Variants in TANGO6 observed in about 807,000 individuals in gnomAD.
The protein encoded by TANGO6 is transport and golgi organization 6 homolog.
TANGO6 carries 90 observed loss-of-function variants against 114.2 expected under a neutral mutation model. That is an observed-to-expected ratio of 0.79 (90% CI 0.66 to 0.94). The LOEUF is 0.94. TANGO6 is among the 40% of genes least tolerant of loss of function. TANGO6 has a pLI of 0.00. For synonymous variants in TANGO6, 477 were observed against 509.8 expected, an observed-to-expected ratio of 0.94 and a Z score of 0.87; for missense variants, 1,274 against 1,315.3, an observed-to-expected ratio of 0.97 and a Z score of 0.49.
intron 15 of TANGO6, among the ~76,000 whole-genome samples, chr16:69,020,043 T>A (rs1959373006): frequency 6.6e-6 from 1 of 152,224 alleles, no homozygotes; most frequent in African/African-American, 2.4e-5. Context: ...GGTGATTTTG[T>A]CATTGTACAA....
chr16:68,914,318 T>C (rs8056003), intron 11 of TANGO6, among the ~76,000 whole-genome samples: 95,642 of 151,958 alleles, frequency 0.63, 31,996 homozygotes, highest in African/African-American at 0.88. Flanking sequence ...CCTGCAACCA[T>C]GCCCGGCTAA....
chr16:68,888,801 A>G (rs750902383), intron 7 of TANGO6, among the ~76,000 whole-genome samples: 8 of 152,144 alleles, frequency 5.3e-5, no homozygotes, highest in Non-Finnish European at 7.3e-5. Flanking sequence ...TCACTTTTTA[A>G]ATAGACTTTA....
At chr16:68,936,912 T>C (rs1311301216) in intron 14 of TANGO6, among the ~76,000 whole-genome samples, 1 of 151,974 alleles carries the variant, frequency 6.6e-6, no homozygotes, top group African/African-American at 2.4e-5. Flanking sequence ...CCCAAACAAA[T>C]CACACAAGCT....
chr16:69,067,425 G>T (rs1386219328), intron 17 of TANGO6, among the ~76,000 whole-genome samples: 1 of 150,538 alleles, frequency 6.6e-6, no homozygotes, highest in African/African-American at 2.5e-5. Flanking sequence ...CAGGAGAATC[G>T]CTTGAACCTG....
chr16:69,074,137 T>G (rs568085069), intron 17 of TANGO6, among the ~76,000 whole-genome samples: 1 of 152,248 alleles, frequency 6.6e-6, no homozygotes, highest in East Asian at 1.9e-4. Context: ...GTGGTGACAC[T>G]GGGCTAGGAG....
intron 14 of TANGO6, among the ~76,000 whole-genome samples, chr16:68,965,107 T>C (rs984445575): frequency 1.3e-5 from 2 of 152,240 alleles, no homozygotes; most frequent in Non-Finnish European, 2.9e-5. Context: ...ACCATTTTCT[T>C]ATGAATGCAA....
chr16:69,022,786 A>G, intron 15 of TANGO6, 42 bp from the exon 16 acceptor site: 1 of 1,537,732 alleles, frequency 6.5e-7, no homozygotes, highest in Non-Finnish European at 8.8e-7. Context: ...AGAAGTTGAA[A>G]TTTTGTTTTA....
chr16:68,990,461 T>A (rs1963937310), intron 15 of TANGO6, among the ~76,000 whole-genome samples: 1 of 152,178 alleles, frequency 6.6e-6, no homozygotes, highest in Non-Finnish European at 1.5e-5. Flanking sequence ...ACCGCCCCCA[T>A]GATTCAGTTA....
intron 7 of TANGO6, among the ~76,000 whole-genome samples, chr16:68,888,587 A>C (rs140043444): frequency 6.6e-6 from 1 of 152,224 alleles, no homozygotes; most frequent in East Asian, 1.9e-4. Flanking sequence ...TTTCCATTTT[A>C]TCTCTCTGTT....
At position 68,899,631 on chromosome 16, in the gene TANGO6, A is replaced by T. The variant is rs576082176; in HGVS notation, c.1378-803A>T. On this transcript the variant is annotated intron_variant, in intron 7 of 17. Transcript: ENST00000261778. ...TTCTTTTTTTTTGAGACAGGGTCTT[A>T]CTCTGTCACCCAGGCTGGAGGGCAG... 4.0e-5 allele frequency among the ~76,000 whole-genome samples: 6 copies of T among 151,196 alleles called. No individual in the cohort carries two copies. The South Asian group carries it at 6.3e-4, about 16-fold the overall frequency.
intron 1 of TANGO6, among the ~76,000 whole-genome samples, chr16:68,851,635 A>C (rs1052452447): frequency 7.2e-5 from 11 of 152,132 alleles, no homozygotes; most frequent in African/African-American, 2.7e-4. Context: ...TAGTCTTGTA[A>C]ATACGTAATT....
chr16:68,894,386 G>A (rs907047665), intron 7 of TANGO6, among the ~76,000 whole-genome samples: 7 of 152,064 alleles, frequency 4.6e-5, no homozygotes, highest in Non-Finnish European at 8.8e-5. Context: ...GGAAGAAGGG[G>A]GCTGTCCTTG....
intron 14 of TANGO6, among the ~76,000 whole-genome samples, chr16:68,951,267 A>C (rs1291878583): frequency 6.7e-6 from 1 of 150,250 alleles, no homozygotes; most frequent in Non-Finnish European, 1.5e-5. Flanking sequence ...AGACTGCAGC[A>C]AGCTGTGATC....
At chr16:68,891,672 C>G (rs1388471876) in intron 7 of TANGO6, among the ~76,000 whole-genome samples, 1 of 152,092 alleles carries the variant, frequency 6.6e-6, no homozygotes, top group African/African-American at 2.4e-5. Context: ...GCTGTACAAG[C>G]CAATGTACAG....
At chr16:69,043,146 A>G (rs1959798355) in intron 17 of TANGO6, among the ~76,000 whole-genome samples, 1 of 152,180 alleles carries the variant, frequency 6.6e-6, no homozygotes, top group Non-Finnish European at 1.5e-5. Context: ...GAATCACTTG[A>G]ACCGGGGAGG....
Position 68,900,057 on chromosome 16 carries a change from T to G in TANGO6, c.1378-377T>G, listed in dbSNP as rs537184456. Among the ~76,000 whole-genome samples, 5 of 152,334 alleles carry G rather than the reference T, an allele frequency of 3.3e-5. No homozygotes were observed. The East Asian group carries it at 7.7e-4, about 23-fold the overall frequency. The stretch of plus-strand genomic sequence containing the variant: ...TTAAGTTTTTCCCTTTGGTAGTAAT[T>G]ACTTGTTCCTAATAGCAGGGCCTTC... On this transcript the variant is annotated intron_variant, in intron 7 of 17. Coordinates refer to ENST00000261778, the MANE Select transcript of TANGO6 (RefSeq NM_024562.2).
chr16:68,846,994 G>A (rs1042070849), intron 1 of TANGO6: 4 of 151,348 alleles, frequency 2.6e-5, no homozygotes, highest in African/African-American at 9.7e-5. Context: ...GGATTCAAGC[G>A]ATTCTCCTGC....
chr16:68,857,205 A>C (rs759015304), intron 1 of TANGO6, among the ~76,000 whole-genome samples: 1 of 152,142 alleles, frequency 6.6e-6, no homozygotes, highest in South Asian at 2.1e-4. Flanking sequence ...TACTGTCTCT[A>C]TAGTTTTGCC....
chr16:69,039,818 T>C (rs980364068), intron 16 of TANGO6, among the ~76,000 whole-genome samples: 2 of 152,186 alleles, frequency 1.3e-5, no homozygotes, highest in Non-Finnish European at 2.9e-5. Flanking sequence ...TGTAACTCTT[T>C]ATTCCCTAGG....
Sources: gnomAD v4.1 joint callset for allele counts (sites outside exome capture counted in the v4.1 genomes callset) on GRCh38, gnomAD v4.1.1 for gene constraint, MANE v1.5 for transcripts, NCBI Gene and HGNC (gene_info 2026-07-23, HGNC 2026-07-21) for gene names.